The following NINJ2 variants were observed in gnomAD, a reference collection of about 807,000 sequenced individuals.
NINJ2 encodes the protein ninjurin 2, also known as ninjurin-2.
In NINJ2, 12 loss-of-function variants were observed where a neutral mutation model predicts 11.7. The ratio of observed to expected loss-of-function variants is 1.02; its 90% CI spans 0.66 to 1.66. NINJ2 has a LOEUF of 1.66. Among genes scored for constraint, NINJ2 ranks in the 40% most tolerant of loss-of-function variants. The pLI, the probability that NINJ2 is intolerant of heterozygous loss-of-function variation, is 0.00. For synonymous variants in NINJ2, 93 were observed against 76.8 expected (o/e 1.21, Z -1.10); for missense variants, 187 against 181.8 (o/e 1.03, Z -0.16).
intron 1 of NINJ2, among the ~76,000 whole-genome samples, chr12:622,147 C>A (rs1398132768): frequency 7.2e-6 from 1 of 139,010 alleles, no homozygotes; most frequent in African/African-American, 2.7e-5. Flanking sequence ...AAAGGCCAGG[C>A]GCAGTGGCTC....
intron 1 of NINJ2, among the ~76,000 whole-genome samples, chr12:655,566 C>A (rs12303857): frequency 0.013 from 2,051 of 152,212 alleles, 46 homozygotes; most frequent in African/African-American, 0.047. Context: ...AAAATATGTA[C>A]AATATCTATT....
chr12:602,501 T>C (rs946641984), intron 1 of NINJ2, among the ~76,000 whole-genome samples: 1 of 152,254 alleles, frequency 6.6e-6, no homozygotes, highest in South Asian at 2.1e-4. Flanking sequence ...TTTCATTGGA[T>C]ATACATTTTG....
chr12:633,392 G>A lies in NINJ2; in HGVS notation c.33+29936C>T, dbSNP rs539698516. Among the ~76,000 whole-genome samples, 20 of 152,072 alleles carry A rather than the reference G, an allele frequency of 1.3e-4. No homozygotes were observed. Among genetic ancestry groups the A allele is most frequent in the Non-Finnish European group, 2.8e-4 (19 of 68,014 alleles). The stretch of plus-strand genomic sequence containing the variant: ...ACGTGCCTGTAATCCCAGCTACCCG[G>A]GTTGCTGAGGCAGGCGAATCACTGG... On this transcript the variant is annotated intron_variant, in intron 1 of 3. Transcript: ENST00000305108. This position sits in a 1 kb window ranked among gnomAD's most constrained non-coding sequence, Gnocchi z 4.3.
At chr12:599,551 T>A (rs1341961443) in intron 1 of NINJ2, among the ~76,000 whole-genome samples, 1 of 152,190 alleles carries the variant, frequency 6.6e-6, no homozygotes, top group Non-Finnish European at 1.5e-5. Flanking sequence ...ACATGATCTC[T>A]GCAACATCCT....
chr12:567,663 C>CAGT, intron 1 of NINJ2, among the ~76,000 whole-genome samples: 1 of 152,186 alleles, frequency 6.6e-6, no homozygotes, highest in African/African-American at 2.4e-5. Flanking sequence ...CATAGGCTAA[C>CAGT]TGATTTACCT....
In NINJ2 at chr12:614,854, C is replaced by T. The variant is rs1359017918; in HGVS notation, c.33+48474G>A. Reference sequence around the variant, plus strand: ...CACGTCGGGCAGCGTGCATTGTCAGCGCTCTATGAAAAACAAATAGCAGTT... The same window carrying T: ...CACGTCGGGCAGCGTGCATTGTCAGTGCTCTATGAAAAACAAATAGCAGTT... On this transcript the variant is annotated intron_variant, in intron 1 of 3. Coordinates refer to ENST00000305108, the MANE Select transcript of NINJ2 (RefSeq NM_016533.6). This position sits in a 1 kb window ranked among gnomAD's most constrained non-coding sequence, Gnocchi z 5.1. 1.3e-5 allele frequency among the ~76,000 whole-genome samples: 2 copies of T among 152,110 alleles called. No homozygotes were observed. Among genetic ancestry groups the T allele is most frequent in the African/African-American group, 4.8e-5 (2 of 41,410 alleles).
intron 1 of NINJ2, among the ~76,000 whole-genome samples, chr12:647,911 G>A (rs953215590): frequency 2.0e-5 from 3 of 152,136 alleles, no homozygotes; most frequent in African/African-American, 7.2e-5. Flanking sequence ...CTGCCCTGCC[G>A]CTTCCAGGCT....
intron 1 of NINJ2, among the ~76,000 whole-genome samples, chr12:602,233 G>A: frequency 6.6e-6 from 1 of 152,138 alleles, no homozygotes. Context: ...ACAGAGTTGT[G>A]CAAACATCAT....
In NINJ2 at chr12:587,675, G is replaced by A. The variant is rs531016781; in HGVS notation, c.34-21497C>T. Reference sequence around the variant, plus strand: ...GCGCTGAGCCATTCTTCCCTGCCCCGGGGCCTCTGTGCAGGTGGGGGGTGG... The same window carrying A: ...GCGCTGAGCCATTCTTCCCTGCCCCAGGGCCTCTGTGCAGGTGGGGGGTGG... On this transcript the variant is annotated intron_variant, in intron 1 of 3. Coordinates refer to ENST00000305108, the MANE Select transcript of NINJ2 (RefSeq NM_016533.6). Among the ~76,000 whole-genome samples the A allele has an allele frequency of 5.9e-5, 9 of 152,194 alleles. No individual in the cohort carries two copies. In the South Asian group the frequency reaches 6.2e-4, roughly 11 times the overall value.
chr12:578,164 GATTA>G (rs1947496187), intron 1 of NINJ2, among the ~76,000 whole-genome samples: 4 of 152,178 alleles, frequency 2.6e-5, no homozygotes, highest in East Asian at 1.9e-4. Context: ...CGTACCCCCT[GATTA>G]CTCAATCAAT....
At chr12:602,589 TG>T (rs761216347) in intron 1 of NINJ2, among the ~76,000 whole-genome samples, 53 of 152,230 alleles carry the variant, frequency 3.5e-4, no homozygotes, top group Non-Finnish European at 4.0e-4. Flanking sequence ...CTGTGCACAT[TG>T]GTTCATTGTG....
At chr12:647,604 A>G (rs1937707754) in intron 1 of NINJ2, among the ~76,000 whole-genome samples, 1 of 152,048 alleles carries the variant, frequency 6.6e-6, no homozygotes, top group African/African-American at 2.4e-5. Flanking sequence ...TGCGTTGCTT[A>G]CTCCAGGTCT....
chr12:617,795 G>A (rs1371217100), intron 1 of NINJ2, among the ~76,000 whole-genome samples: 1 of 152,066 alleles, frequency 6.6e-6, no homozygotes, highest in Non-Finnish European at 1.5e-5. Flanking sequence ...GCGAGGTCAG[G>A]GCCCTGCCTC....
chr12:586,160 T>C (rs1299630373), intron 1 of NINJ2: 1 of 152,190 alleles, frequency 6.6e-6, no homozygotes, highest in Non-Finnish European at 1.5e-5. Flanking sequence ...AATTTCAAGA[T>C]GGCAAAAGCA....
In NINJ2 at chr12:581,314, A is replaced by G. The variant is rs900867994; in HGVS notation, c.34-15136T>C. On this transcript the variant is annotated intron_variant, in intron 1 of 3. Transcript: ENST00000305108. The surrounding 1 kb of genome is among the most constrained non-coding windows in gnomAD (Gnocchi z 4.9). ...GGATACTGGTGCATTATCCGGAGGG[A>G]GCTCGGGGGGCCCAGGAGGTCAAGA... 3.3e-5 allele frequency among the ~76,000 whole-genome samples: 5 copies of G among 152,040 alleles called. No individual in the cohort carries two copies. The highest frequency in any genetic ancestry group is 5.9e-5 in the Non-Finnish European group (4 of 68,016).
intron 1 of NINJ2, among the ~76,000 whole-genome samples, chr12:601,340 A>T (rs1160011160): frequency 4.0e-5 from 6 of 151,544 alleles, no homozygotes; most frequent in African/African-American, 7.3e-5. Flanking sequence ...AAGTCAGGAG[A>T]TCGAGACCAT....
chr12:610,611 G>A (rs1948016014), intron 1 of NINJ2: 1 of 985,286 alleles, frequency 1.0e-6, no homozygotes, highest in Non-Finnish European at 1.2e-6. Flanking sequence ...CCACAGGAGG[G>A]GGTTACCAGG....
intron 1 of NINJ2, among the ~76,000 whole-genome samples, chr12:584,857 G>A (rs1194919754): frequency 1.3e-5 from 2 of 149,096 alleles, no homozygotes; most frequent in Non-Finnish European, 3.0e-5. Flanking sequence ...GGCTAGGGGC[G>A]CGCTCACACC....
rs1183529191 is a variant in NINJ2 at position 628,434 on chromosome 12, C to T, written c.33+34894G>A. ...GGCACACAGTGGACACTCTTCCTGG[C>T]TTTTCTGGTACAGAGTGACCAACAT... is the stretch of plus-strand genomic sequence containing the variant. On this transcript the variant is annotated intron_variant, in intron 1 of 3. Coordinates refer to ENST00000305108, the MANE Select transcript of NINJ2 (RefSeq NM_016533.6). This position sits in a 1 kb window ranked among gnomAD's most constrained non-coding sequence, Gnocchi z 4.4. Among the ~76,000 whole-genome samples the T allele has an allele frequency of 2.0e-5, 3 of 152,202 alleles. No individual in the cohort carries two copies. Among genetic ancestry groups the T allele is most frequent in the African/African-American group, 4.8e-5 (2 of 41,476 alleles).
Sources: allele counts gnomAD v4.1 joint callset (sites outside exome capture counted in the v4.1 genomes callset), GRCh38; gene constraint gnomAD v4.1.1; non-coding constraint Gnocchi (gnomAD v3.1); transcripts MANE v1.5; gene names NCBI Gene and HGNC (gene_info 2026-07-23, HGNC 2026-07-21).